CDK6: variants seen among roughly 807,000 people sequenced by gnomAD.
CDK6 encodes cyclin-dependent kinase 6.
A neutral mutation model predicts 37.1 loss-of-function variants in CDK6; 6 were observed. The observed-to-expected ratio is 0.16, with a 90% confidence interval of 0.09 to 0.32. The LOEUF (loss-of-function observed/expected upper bound fraction) is 0.32, where lower values mean the gene tolerates loss of function less well. Ranked by LOEUF, CDK6 falls within the 10% of genes least tolerant of loss-of-function variation. CDK6 has a pLI of 1.00. For missense variants in CDK6, 224 were observed against 418.9 expected (o/e 0.53, Z 4.06); for synonymous variants, 160 against 161.3 (o/e 0.99, Z 0.06).
At chr7:92,675,992 T>C (rs1040757426) in intron 4 of CDK6, among the ~76,000 whole-genome samples, 1 of 152,086 alleles carries the variant, frequency 6.6e-6, no homozygotes, top group East Asian at 1.9e-4. Flanking sequence ...GTCAGAAGTT[T>C]AGCCATATTA....
At chr7:92,664,136 G>A (rs1251811625) in intron 5 of CDK6, among the ~76,000 whole-genome samples, 1 of 151,268 alleles carries the variant, frequency 6.6e-6, no homozygotes, top group African/African-American at 2.4e-5. Context: ...GCGAGACTCT[G>A]CCTCAAAAAA....
chr7:92,690,837 G>C (rs147105276), intron 4 of CDK6, among the ~76,000 whole-genome samples: 356 of 152,276 alleles, frequency 2.3e-3, no homozygotes, highest in African/African-American at 8.1e-3. Context: ...CATTAAAAAT[G>C]AAAGTAAAAG....
intron 4 of CDK6, among the ~76,000 whole-genome samples, chr7:92,718,952 G>C (rs1318169969): frequency 6.6e-6 from 1 of 152,172 alleles, no homozygotes; most frequent in Non-Finnish European, 1.5e-5. Context: ...CATAGAAAGT[G>C]ATCAGTAATT....
At chr7:92,817,535 T>C (rs1176185397) in intron 2 of CDK6, among the ~76,000 whole-genome samples, 1 of 151,906 alleles carries the variant, frequency 6.6e-6, no homozygotes, top group Non-Finnish European at 1.5e-5. Context: ...AACTTACAGC[T>C]AACATCATAC....
At chr7:92,824,972 C>G (rs1032464457) in intron 2 of CDK6, among the ~76,000 whole-genome samples, 2 of 152,078 alleles carry the variant, frequency 1.3e-5, no homozygotes, top group Admixed American at 1.3e-4. Flanking sequence ...TCCTAGCCCA[C>G]AAGCAGGAAC....
chr7:92,740,029 A>T (rs1798881384), intron 3 of CDK6, among the ~76,000 whole-genome samples: 1 of 152,198 alleles, frequency 6.6e-6, no homozygotes, highest in Non-Finnish European at 1.5e-5. Flanking sequence ...CAGCACTGGG[A>T]TTACAGGTGT....
At chr7:92,631,283 C>G (rs1585350402) in intron 5 of CDK6, among the ~76,000 whole-genome samples, 1 of 152,102 alleles carries the variant, frequency 6.6e-6, no homozygotes. Context: ...CTGTCCCAGG[C>G]AAACTGGGAT....
chr7:92,728,921 G>T (rs1798577284), intron 3 of CDK6, among the ~76,000 whole-genome samples: 1 of 152,074 alleles, frequency 6.6e-6, no homozygotes, highest in African/African-American at 2.4e-5. Flanking sequence ...TTAGGTTGTT[G>T]GGCATTGTGA....
At chr7:92,750,631 C>T (rs1379974717) in intron 3 of CDK6, among the ~76,000 whole-genome samples, 1 of 152,120 alleles carries the variant, frequency 6.6e-6, no homozygotes, top group African/African-American at 2.4e-5. Flanking sequence ...ACAAAAGTAA[C>T]ACAAATAAAT....
rs567146051 is a variant in CDK6, at chr7:92,836,358, C to A, written c.-368+120G>T. 2.0e-5 allele frequency: 3 copies of A among 148,524 alleles called. No homozygotes were observed. In the South Asian group the frequency reaches 6.5e-4, roughly 32 times the overall value. 9.2% of individuals were successfully genotyped at this position (148,524 alleles called of 1,614,324 possible). ...TCCAAGGAAACACAGGTCCCCCCCACCCCCCGCCACCCTCCACTTACCCCA... is the reference window on the plus strand; with the variant it reads ...TCCAAGGAAACACAGGTCCCCCCCAACCCCCGCCACCCTCCACTTACCCCA... On this transcript the variant is annotated intron_variant, in intron 1 of 7. Coordinates refer to ENST00000424848, the MANE Select transcript of CDK6 (RefSeq NM_001145306.2).
intron 4 of CDK6, among the ~76,000 whole-genome samples, chr7:92,695,271 TAAA>T (rs61112739): frequency 1.3e-4 from 13 of 99,568 alleles, no homozygotes; most frequent in Admixed American, 3.1e-4. Context: ...GACCCTGAGG[TAAA>T]AAAAAAAAAA....
intron 3 of CDK6, among the ~76,000 whole-genome samples, chr7:92,770,342 T>A (rs1799680650): frequency 1.4e-5 from 2 of 148,126 alleles, no homozygotes; most frequent in African/African-American, 5.0e-5. Flanking sequence ...TTTTTTTTTT[T>A]AGAATAAGGT....
intron 3 of CDK6, among the ~76,000 whole-genome samples, chr7:92,770,607 T>C (rs1455404179): frequency 2.0e-5 from 3 of 152,150 alleles, no homozygotes; most frequent in Non-Finnish European, 4.4e-5. Context: ...CTTCAAAAAC[T>C]GTTAGGTGAT....
At chr7:92,700,219 T>C (rs1797812010) in intron 4 of CDK6, among the ~76,000 whole-genome samples, 1 of 152,194 alleles carries the variant, frequency 6.6e-6, no homozygotes, top group Non-Finnish European at 1.5e-5. Context: ...GCTAGGACTT[T>C]ATCCTGAGGA....
chr7:92,694,300 C>CA (rs2116647649), intron 4 of CDK6, among the ~76,000 whole-genome samples: 1 of 152,212 alleles, frequency 6.6e-6, no homozygotes, highest in Admixed American at 6.5e-5. Flanking sequence ...CAAGAAGTCA[C>CA]ATTTGATTAT....
chr7:92,711,010 C>G (rs1304035535), intron 4 of CDK6: 2 of 205,396 alleles, frequency 9.7e-6, no homozygotes, highest in Non-Finnish European at 1.7e-5. Flanking sequence ...CTCTCACATT[C>G]AGTTAAGGAG....
chr7:92,831,728 T>C (rs79734796), intron 2 of CDK6, among the ~76,000 whole-genome samples: 1 of 152,250 alleles, frequency 6.6e-6, no homozygotes, highest in Non-Finnish European at 1.5e-5. Flanking sequence ...CTTATTTATA[T>C]ATTTATGATT....
chr7:92,820,445 A>T (rs550145581), intron 2 of CDK6, among the ~76,000 whole-genome samples: 1 of 152,268 alleles, frequency 6.6e-6, no homozygotes, highest in Admixed American at 6.5e-5. Context: ...AAAAGCAGGG[A>T]AGCCTCTGTT....
rs2116710854 is a variant in CDK6, at chr7:92,725,810, A to G, written c.370-17T>C. 6.2e-7 allele frequency: 1 copy of G among 1,602,022 alleles called. No homozygotes were observed. Among genetic ancestry groups the G allele is most frequent in the Non-Finnish European group, 8.5e-7 (1 of 1,173,642 alleles). Reference sequence around the variant, plus strand: ...CATCATATCCTAATAAAATTAAAAAAAGAAAATCAGTAAACACTCAAAACG... The same window carrying G: ...CATCATATCCTAATAAAATTAAAAAGAGAAAATCAGTAAACACTCAAAACG... On this transcript the variant is annotated splice_polypyrimidine_tract_variant and intron_variant, in intron 3 of 7. Transcript: ENST00000424848.
Sources: gnomAD v4.1 joint callset for allele counts (sites outside exome capture counted in the v4.1 genomes callset) on GRCh38, gnomAD v4.1.1 for gene constraint, MANE v1.5 for transcripts, NCBI Gene and HGNC (gene_info 2026-07-23, HGNC 2026-07-21) for gene names.